The following CMC2 variants were observed in gnomAD, a reference collection of about 807,000 sequenced individuals.
CMC2 encodes COX assembly mitochondrial protein 2 homolog.
A neutral mutation model predicts 7.5 loss-of-function variants in CMC2; 5 were observed. The observed-to-expected ratio is 0.66, with a 90% CI of 0.35 to 1.40. CMC2 has a LOEUF of 1.40. Ranked by LOEUF, CMC2 falls within the 40% of genes most tolerant of loss-of-function variation. The probability of loss-of-function intolerance (pLI) is 0.04; values close to 1 mark genes in which losing one functional copy is unlikely to be tolerated. For synonymous variants in CMC2, 37 were observed against 31.4 expected, an observed-to-expected ratio of 1.18 and a Z score of -0.60; for missense variants, 115 against 92.3, an observed-to-expected ratio of 1.25 and a Z score of -1.01.
At chr16:81,002,330 G>T (rs965343740) in intron 1 of CMC2, among the ~76,000 whole-genome samples, 2 of 152,152 alleles carry the variant, frequency 1.3e-5, no homozygotes, top group African/African-American at 4.8e-5. Flanking sequence ...GGAGGCCGAA[G>T]CAGGAGAATC....
At chr16:80,992,444 A>G (rs1968076331) in intron 2 of CMC2, among the ~76,000 whole-genome samples, 1 of 152,230 alleles carries the variant, frequency 6.6e-6, no homozygotes, top group African/African-American at 2.4e-5. Context: ...ATTCCTCTCT[A>G]TAAAGATTAT....
rs560400298 is a variant in CMC2 at position 80,974,006 on chromosome 16, A to G, written c.*2087T>C. ...GGCATCTGCATGCTGACATCTCCCA[A>G]TTTTGTTCTAATCCAGGTGACTCTA... On this transcript the variant is annotated 3_prime_UTR_variant, in exon 4 of 4. Coordinates refer to ENST00000219400, the MANE Select transcript of CMC2 (RefSeq NM_020188.5). The G allele has an allele frequency of 2.2e-4, 34 of 152,222 alleles. No individual in the cohort carries two copies. The highest frequency in any genetic ancestry group is 7.7e-4 in the African/African-American group (32 of 41,540). The allele number at this position is 152,222 out of a possible 1,614,324, so 9.4% of individuals were successfully genotyped here.
intron 1 of CMC2, among the ~76,000 whole-genome samples, chr16:81,004,181 C>T (rs1475107260): frequency 6.6e-6 from 1 of 152,114 alleles, no homozygotes; most frequent in Non-Finnish European, 1.5e-5. Flanking sequence ...GAGATGGCAC[C>T]ACCTGCACTC....
In CMC2 at chr16:80,966,890, ATTG is replaced by A. The variant is rs1911590968; in HGVS notation, c.*9200_*9202del. On this transcript the variant is annotated 3_prime_UTR_variant, in exon 4 of 4. Coordinates refer to ENST00000219400, the MANE Select transcript of CMC2 (RefSeq NM_020188.5). ...TGGTATACCTTTGTGTAAATGCATC[ATTG>A]TTTATTTAACTACTGTCCTATTCGT... is the stretch of plus-strand genomic sequence containing the variant. The A allele has an allele frequency of 2.8e-5, 3 of 108,200 alleles. No homozygotes were observed. Among genetic ancestry groups the A allele is most frequent in the African/African-American group, 1.5e-4 (3 of 20,236 alleles). 6.7% of individuals were successfully genotyped at this position (108,200 alleles called of 1,614,324 possible).
chr16:81,005,559 C>T (rs899093698), intron 1 of CMC2, among the ~76,000 whole-genome samples: 1 of 152,068 alleles, frequency 6.6e-6, no homozygotes, highest in Non-Finnish European at 1.5e-5. Flanking sequence ...CGGTCGGGGA[C>T]GGCCTCCCCT....
rs1027352058 is a variant in CMC2, at chr16:80,972,432, A to T, written c.*3661T>A. ...TGTCTACCAGGCAGATCAATGGCAT[A>T]ATTTGGTTCAGCCCAAGCCCTTTCT... On this transcript the variant is annotated 3_prime_UTR_variant, in exon 4 of 4. Transcript: ENST00000219400. The T allele has an allele frequency of 3.3e-5, 5 of 152,094 alleles. No homozygotes were observed. 9.4% of individuals were successfully genotyped at this position (152,094 alleles called of 1,614,324 possible). A position where few individuals can be genotyped will look rare whatever the true frequency, so the allele number is the denominator to read the frequency against.
rs147859984 is a variant in CMC2 at position 80,975,279 on chromosome 16, T to G, written c.*814A>C. 8 of 152,390 alleles carry G rather than the reference T, an allele frequency of 5.2e-5. No individual in the cohort carries two copies. The highest frequency in any genetic ancestry group is 1.9e-4 in the African/African-American group (8 of 41,582). 9.4% of individuals were successfully genotyped at this position (152,390 alleles called of 1,614,324 possible). A position where few individuals can be genotyped will look rare whatever the true frequency, so the allele number is the denominator to read the frequency against. On this transcript the variant is annotated 3_prime_UTR_variant, in exon 4 of 4. Transcript: ENST00000219400. ...GAAAGCAAAGTCTGCTAAGACTCAA[T>G]TCCTAACCAGATGAAATTTTATCAA... is the stretch of plus-strand genomic sequence containing the variant.
intron 1 of CMC2, among the ~76,000 whole-genome samples, chr16:81,000,893 C>T (rs1320257625): frequency 6.6e-6 from 1 of 152,186 alleles, no homozygotes; most frequent in East Asian, 1.9e-4. Context: ...AAAACATGCA[C>T]TCATAAGTTC....
At chr16:81,003,603 T>C (rs1969023079) in intron 1 of CMC2, among the ~76,000 whole-genome samples, 2 of 152,144 alleles carry the variant, frequency 1.3e-5, no homozygotes, top group African/African-American at 2.4e-5. Context: ...ATGTTCAAAA[T>C]AGGAAAGACA....
chr16:80,967,197 C>T lies in CMC2; in HGVS notation c.*8896G>A, dbSNP rs1452762946. The T allele has an allele frequency of 6.6e-6, 1 of 152,210 alleles. No homozygotes were observed. The highest frequency in any genetic ancestry group is 2.4e-5 in the African/African-American group (1 of 41,446). The allele number at this position is 152,210 out of a possible 1,614,324, so 9.4% of individuals were successfully genotyped here. ...TTTCAGTCTACACATAACCTGAATTCCATGTATCATGAACTTGCTCATAAA... is the reference window on the plus strand; with the variant it reads ...TTTCAGTCTACACATAACCTGAATTTCATGTATCATGAACTTGCTCATAAA... On this transcript the variant is annotated 3_prime_UTR_variant, in exon 4 of 4. Transcript: ENST00000219400.
At chr16:80,990,165 T>C (rs1037314752) in intron 2 of CMC2, among the ~76,000 whole-genome samples, 1 of 151,142 alleles carries the variant, frequency 6.6e-6, no homozygotes, top group African/African-American at 2.5e-5. Flanking sequence ...ATACAAAACA[T>C]ATAATTTTTT....
chr16:80,987,236 T>A (rs1200592768), intron 2 of CMC2, among the ~76,000 whole-genome samples: 2 of 152,136 alleles, frequency 1.3e-5, no homozygotes, highest in Non-Finnish European at 2.9e-5. Context: ...TGGGAAGGAA[T>A]CTTATGTATT....
chr16:80,973,180 G>A lies in CMC2; in HGVS notation c.*2913C>T, dbSNP rs1912049623. 1 of 152,264 alleles carries A rather than the reference G, an allele frequency of 6.6e-6. No individual in the cohort carries two copies. Among genetic ancestry groups the A allele is most frequent in the South Asian group, 2.1e-4 (1 of 4,834 alleles). 9.4% of individuals were successfully genotyped at this position (152,264 alleles called of 1,614,324 possible). A position where few individuals can be genotyped will look rare whatever the true frequency, so the allele number is the denominator to read the frequency against. ...ACTGGCTTCCTCTATGGAAAGGCAGGATGTACAGGGAGCCAGAGAATGGGG... is the reference window on the plus strand; with the variant it reads ...ACTGGCTTCCTCTATGGAAAGGCAGAATGTACAGGGAGCCAGAGAATGGGG... On this transcript the variant is annotated 3_prime_UTR_variant, in exon 4 of 4. Coordinates refer to ENST00000219400, the MANE Select transcript of CMC2 (RefSeq NM_020188.5).
chr16:80,992,940 C>A, intron 2 of CMC2, among the ~76,000 whole-genome samples: 1 of 152,142 alleles, frequency 6.6e-6, no homozygotes, highest in East Asian at 1.9e-4. Context: ...GATCCTTTAT[C>A]AATCTTTGAT....
In CMC2 at chr16:80,970,889, A is replaced by G. The variant is rs1911867868; in HGVS notation, c.*5204T>C. 6.6e-6 allele frequency: 1 copy of G among 152,204 alleles called. No individual in the cohort carries two copies. Among genetic ancestry groups the G allele is most frequent in the African/African-American group, 2.4e-5 (1 of 41,458 alleles). The allele number at this position is 152,204 out of a possible 1,614,324, so 9.4% of individuals were successfully genotyped here. A position where few individuals can be genotyped will look rare whatever the true frequency, so the allele number is the denominator to read the frequency against. ...ATTTTAAAAATACCCCTTAGACACA[A>G]ATCTAGCAAAAGATGTATAAGAACA... On this transcript the variant is annotated 3_prime_UTR_variant, in exon 4 of 4. Transcript: ENST00000219400.
rs1055420158 is a variant in CMC2, at chr16:81,005,623, G to A, written c.-36+1111C>T. Among the ~76,000 whole-genome samples the A allele has an allele frequency of 9.2e-5, 14 of 151,680 alleles. No homozygotes were observed. In the East Asian group the frequency reaches 2.3e-3, roughly 25 times the overall value. On this transcript the variant is annotated intron_variant, in intron 1 of 3. Transcript: ENST00000219400. ...TCTAAACCGATACCACTAAGAAAGCGACTGGCGCTGGCACTGTAGACCCCA... is the reference window on the plus strand; with the variant it reads ...TCTAAACCGATACCACTAAGAAAGCAACTGGCGCTGGCACTGTAGACCCCA...
rs146808131 is a variant in CMC2, at chr16:80,968,765, T to A, written c.*7328A>T. ...CTCACAAGAAAGGAAAGAAAATCCT[T>A]GGGGGTTGAAATCAGAGAGAACTGT... On this transcript the variant is annotated 3_prime_UTR_variant, in exon 4 of 4. Coordinates refer to ENST00000219400, the MANE Select transcript of CMC2 (RefSeq NM_020188.5). The A allele has an allele frequency of 6.6e-6, 1 of 152,064 alleles. No homozygotes were observed. The highest frequency in any genetic ancestry group is 2.4e-5 in the African/African-American group (1 of 41,392). 9.4% of individuals were successfully genotyped at this position (152,064 alleles called of 1,614,324 possible). A position where few individuals can be genotyped will look rare whatever the true frequency, so the allele number is the denominator to read the frequency against.
chr16:80,999,107 G>C (rs929193609), intron 1 of CMC2, among the ~76,000 whole-genome samples: 1 of 152,142 alleles, frequency 6.6e-6, no homozygotes, highest in African/African-American at 2.4e-5. Context: ...AATCAGTCAA[G>C]AGAAATAAAA....
At position 80,970,585 on chromosome 16, in the gene CMC2, A is replaced by T. The variant is rs536461203; in HGVS notation, c.*5508T>A. ...ACATTATACTGAATGTTCTAAGTAC[A>T]ATAAAATAAGGAAGTATAAACATTG... On this transcript the variant is annotated 3_prime_UTR_variant, in exon 4 of 4. Coordinates refer to ENST00000219400, the MANE Select transcript of CMC2 (RefSeq NM_020188.5). 1 of 152,264 alleles carries T rather than the reference A, an allele frequency of 6.6e-6. No individual in the cohort carries two copies. The highest frequency in any genetic ancestry group is 1.9e-4 in the East Asian group (1 of 5,204). The allele number at this position is 152,264 out of a possible 1,614,324, so 9.4% of individuals were successfully genotyped here. A position where few individuals can be genotyped will look rare whatever the true frequency, so the allele number is the denominator to read the frequency against.
Sources: gnomAD v4.1 joint callset for allele counts (sites outside exome capture counted in the v4.1 genomes callset) on GRCh38, gnomAD v4.1.1 for gene constraint, MANE v1.5 for transcripts, NCBI Gene and HGNC (gene_info 2026-07-23, HGNC 2026-07-21) for gene names.